Variants in CCDC85A observed in about 807,000 individuals in gnomAD.
The protein encoded by CCDC85A is coiled-coil domain containing 85A.
In CCDC85A, 38 loss-of-function variants were observed where a neutral mutation model predicts 50.2. The ratio of observed to expected loss-of-function variants is 0.76; its 90% CI spans 0.58 to 0.99. The LOEUF (loss-of-function observed/expected upper bound fraction) is 0.99. CCDC85A is among the 50% of genes least tolerant of loss of function. The pLI, the probability that CCDC85A is intolerant of heterozygous loss-of-function variation, is 0.00. For synonymous variants in CCDC85A, 366 were observed against 301.4 expected, an observed-to-expected ratio of 1.21 and a Z score of -2.22; for missense variants, 820 against 742.0, an observed-to-expected ratio of 1.11 and a Z score of -1.22.
chr2:56,331,411 A>G (rs931119988), intron 2 of CCDC85A, among the ~76,000 whole-genome samples: 2 of 152,208 alleles, frequency 1.3e-5, no homozygotes, highest in African/African-American at 4.8e-5. Flanking sequence ...ATTAAATTAA[A>G]AACAAATTAC....
At position 56,186,382 on chromosome 2, in the gene CCDC85A, C is replaced by A. The variant is rs72914764; in HGVS notation, c.276+1482C>A. On this transcript the variant is annotated intron_variant, in intron 1 of 5. Coordinates refer to ENST00000407595, the MANE Select transcript of CCDC85A (RefSeq NM_001080433.2). The stretch of plus-strand genomic sequence containing the variant: ...CTTTCTCAGATCCTCCTTTTATTCA[C>A]CAATACAATGCAATGATAATAACTT... Among the ~76,000 whole-genome samples the A allele has an allele frequency of 1.6e-3, 251 of 152,248 alleles. 1 individual carries two copies. The highest frequency in any genetic ancestry group is 5.7e-3 in the African/African-American group (238 of 41,558).
In CCDC85A at chr2:56,193,064, C is replaced by T; in HGVS notation, c.864C>T (p.Gly288=). 6.2e-7 allele frequency: 1 copy of T among 1,613,488 alleles called. No individual in the cohort carries two copies. The part of the protein sequence containing the change: ...SPEHHKPLCK[G]SPEQQRHPHP... Reference sequence around the variant, plus strand: ...AGCACCACAAACCCTTGTGCAAGGGCAGCCCCGAACAGCAAAGGCACCCGC... The same window carrying T: ...AGCACCACAAACCCTTGTGCAAGGGTAGCCCCGAACAGCAAAGGCACCCGC... Residue 288 remains glycine, a synonymous_variant, in exon 2 of 6, where the codon GGC becomes GGT. Transcript: ENST00000407595.
At chr2:56,244,110 A>T (rs191122149) in intron 2 of CCDC85A, among the ~76,000 whole-genome samples, 1 of 152,246 alleles carries the variant, frequency 6.6e-6, no homozygotes, top group African/African-American at 2.4e-5. Context: ...AGGGCTCTAC[A>T]ATCAGCAGGT....
At chr2:56,230,081 T>C (rs1375656100) in intron 2 of CCDC85A, among the ~76,000 whole-genome samples, 1 of 152,200 alleles carries the variant, frequency 6.6e-6, no homozygotes, top group African/African-American at 2.4e-5. Context: ...CAACTCATTG[T>C]CAGATTCAGC....
chr2:56,358,495 A>T (rs1035910539), intron 3 of CCDC85A, among the ~76,000 whole-genome samples: 1 of 152,160 alleles, frequency 6.6e-6, no homozygotes, highest in Non-Finnish European at 1.5e-5. Flanking sequence ...TATCTATACC[A>T]GGGTTGGCAA....
intron 3 of CCDC85A, among the ~76,000 whole-genome samples, chr2:56,365,841 A>C (rs1675765080): frequency 6.6e-6 from 1 of 152,192 alleles, no homozygotes; most frequent in Non-Finnish European, 1.5e-5. Flanking sequence ...CATGCTGTAC[A>C]GTAGATCACT....
intron 2 of CCDC85A, among the ~76,000 whole-genome samples, chr2:56,287,712 C>G (rs988193237): frequency 2.2e-4 from 33 of 152,314 alleles, no homozygotes; most frequent in East Asian, 3.9e-4. Flanking sequence ...TTTCTTGGCT[C>G]TAAGCCAATT....
intron 2 of CCDC85A, among the ~76,000 whole-genome samples, chr2:56,302,325 G>T (rs1672248131): frequency 2.6e-5 from 4 of 152,076 alleles, no homozygotes; most frequent in Admixed American, 1.3e-4. Context: ...TAAAGTGAAA[G>T]ATTTGTTTCG....
intron 2 of CCDC85A, among the ~76,000 whole-genome samples, chr2:56,205,099 A>T (rs1304195921): frequency 6.6e-6 from 1 of 152,072 alleles, no homozygotes; most frequent in African/African-American, 2.4e-5. Flanking sequence ...GCTTAGTAAG[A>T]TGGTGCTCTG....
At chr2:56,358,769 A>T (rs1675365403) in intron 3 of CCDC85A, among the ~76,000 whole-genome samples, 1 of 148,138 alleles carries the variant, frequency 6.8e-6, no homozygotes. Context: ...GTTATCTCTT[A>T]TATTTTTGTC....
At chr2:56,329,981 T>A (rs1252308482) in intron 2 of CCDC85A, among the ~76,000 whole-genome samples, 14 of 119,384 alleles carry the variant, frequency 1.2e-4, no homozygotes, top group South Asian at 7.9e-4. Flanking sequence ...TTTTTTTTTT[T>A]ACCAATTTCC....
intron 2 of CCDC85A, among the ~76,000 whole-genome samples, chr2:56,323,551 A>G (rs900855128): frequency 1.3e-5 from 2 of 152,096 alleles, no homozygotes; most frequent in Non-Finnish European, 1.5e-5. Context: ...CCCCTTGTTG[A>G]TGCTCCTTCC....
chr2:56,281,885 C>T (rs1573167859), intron 2 of CCDC85A, among the ~76,000 whole-genome samples: 1 of 152,078 alleles, frequency 6.6e-6, no homozygotes, highest in African/African-American at 2.4e-5. Context: ...GTAGCTTGAC[C>T]TGTCATTTTC....
intron 2 of CCDC85A, among the ~76,000 whole-genome samples, chr2:56,223,310 A>T (rs1190766183): frequency 6.6e-6 from 1 of 152,126 alleles, no homozygotes; most frequent in African/African-American, 2.4e-5. Flanking sequence ...TGTGCTGTGT[A>T]TGTCTCTGTC....
At position 56,226,510 on chromosome 2, in the gene CCDC85A, AT is replaced by A. The variant is rs201864616; in HGVS notation, c.1240+33080del. Reference sequence around the variant, plus strand: ...AAGGCTTTTTTAGCAACTATGTCATATTTTTTTTTTCCTTTTAAACCTCCTT... The same window carrying A: ...AAGGCTTTTTTAGCAACTATGTCATATTTTTTTTTCCTTTTAAACCTCCTT... On this transcript the variant is annotated intron_variant, in intron 2 of 5. Coordinates refer to ENST00000407595, the MANE Select transcript of CCDC85A (RefSeq NM_001080433.2). Among the ~76,000 whole-genome samples, 584 of 149,542 alleles carry A rather than the reference AT, an allele frequency of 3.9e-3. 6 individuals carry two copies. The highest frequency in any genetic ancestry group is 0.013 in the African/African-American group (524 of 40,814).
Position 56,247,170 on chromosome 2 carries a change from G to A in CCDC85A, c.1240+53730G>A, listed in dbSNP as rs80324298. ...TGTGTAAAGAAAGTGATTGCCCTAC[G>A]TTAGTAGTGTAATTTGAAGGTAACC... On this transcript the variant is annotated intron_variant, in intron 2 of 5. Transcript: ENST00000407595. Among the ~76,000 whole-genome samples, 254 of 152,270 alleles carry A rather than the reference G, an allele frequency of 1.7e-3. 5 individuals are homozygous for A. The East Asian group carries it at 0.025, about 15-fold the overall frequency.
chr2:56,342,998 A>G, intron 3 of CCDC85A, 43 bp downstream of exon 3: 1 of 1,309,538 alleles, frequency 7.6e-7, no homozygotes. Flanking sequence ...GTGCCATTTA[A>G]GTTGTAGTAT....
At chr2:56,356,541 C>G (rs553681399) in intron 3 of CCDC85A, among the ~76,000 whole-genome samples, 3 of 152,248 alleles carry the variant, frequency 2.0e-5, no homozygotes, top group South Asian at 2.1e-4. Context: ...CAAGACCAGC[C>G]TAGCCAACAT....
intron 2 of CCDC85A, among the ~76,000 whole-genome samples, chr2:56,340,757 T>C (rs1674321965): frequency 1.3e-5 from 2 of 150,116 alleles, no homozygotes; most frequent in Non-Finnish European, 2.9e-5. Context: ...ATGCCTGTAA[T>C]CCCAACTGCT....
Sources: allele counts gnomAD v4.1 joint callset (sites outside exome capture counted in the v4.1 genomes callset), GRCh38; gene constraint gnomAD v4.1.1; transcripts MANE v1.5; gene names NCBI Gene and HGNC (gene_info 2026-07-23, HGNC 2026-07-21).